Variants in GPC3 observed in about 807,000 individuals in gnomAD.
The protein encoded by GPC3 is glypican 3, also known as glypican-3.
A neutral mutation model predicts 34.4 loss-of-function variants in GPC3; 3 were observed. The ratio of observed to expected loss-of-function variants is 0.09; its 90% CI spans 0.04 to 0.23. GPC3 has a LOEUF of 0.23. Ranked by LOEUF, GPC3 falls within the 10% of genes least tolerant of loss-of-function variation. The probability of loss-of-function intolerance (pLI) is 1.00; values close to 1 mark genes in which losing one functional copy is unlikely to be tolerated. For missense variants in GPC3, 351 were observed against 445.6 expected, an observed-to-expected ratio of 0.79 and a Z score of 1.91; for synonymous variants, 177 against 174.0, an observed-to-expected ratio of 1.02 and a Z score of -0.13.
chrX:133,547,419 C>T (rs2069395758), intron 7 of GPC3, among the ~76,000 whole-genome samples: 1 of 111,235 alleles, frequency 9.0e-6, no homozygotes, highest in African/African-American at 3.3e-5. Flanking sequence ...GAGTGCACCA[C>T]TACTCTGGTA....
chrX:133,642,562 G>A lies in GPC3; in HGVS notation c.1413+19168C>T, dbSNP rs182951982. Among the ~76,000 whole-genome samples the A allele has an allele frequency of 2.3e-4, 25 of 109,600 alleles. No homozygotes were observed. In the East Asian group the frequency reaches 6.3e-3, roughly 28 times the overall value. On this transcript the variant is annotated intron_variant, in intron 6 of 7. Transcript: ENST00000370818. ...TGAGGTGGGCGGATCACCTGAGGTCGGGAGTTCAAGACCAACCTGACCAAC... is the reference window on the plus strand; with the variant it reads ...TGAGGTGGGCGGATCACCTGAGGTCAGGAGTTCAAGACCAACCTGACCAAC...
intron 2 of GPC3, among the ~76,000 whole-genome samples, chrX:133,819,657 A>G (rs1446176696): frequency 2.7e-5 from 3 of 111,475 alleles, no homozygotes; most frequent in Non-Finnish European, 5.6e-5. Context: ...GGTCTTTGAA[A>G]TCAAGCAGAC....
intron 2 of GPC3, among the ~76,000 whole-genome samples, chrX:133,776,045 C>T (rs1270416105): frequency 9.0e-6 from 1 of 111,545 alleles, no homozygotes; most frequent in African/African-American, 3.3e-5. Flanking sequence ...AATGGTCAAA[C>T]ACACCCTTTC....
At chrX:133,762,863 C>T in intron 2 of GPC3, 1 of 537,074 alleles carries the variant, frequency 1.9e-6, no homozygotes, top group Non-Finnish European at 3.4e-6. Context: ...GCAGCAGGAA[C>T]CCACTTAGGT....
chrX:133,721,371 T>C (rs1196468469), intron 3 of GPC3, among the ~76,000 whole-genome samples: 1 of 109,429 alleles, frequency 9.1e-6, no homozygotes, highest in Admixed American at 9.8e-5. Context: ...AAAATGATCA[T>C]AAGAGAATAC....
chrX:133,850,537 C>T (rs895677776), intron 2 of GPC3, among the ~76,000 whole-genome samples: 2 of 111,024 alleles, frequency 1.8e-5, no homozygotes, highest in Non-Finnish European at 3.8e-5. Flanking sequence ...TGGTCAGAAA[C>T]TTCCAACACC....
chrX:133,569,674 T>C (rs780336178), intron 7 of GPC3, among the ~76,000 whole-genome samples: 2 of 112,184 alleles, frequency 1.8e-5, no homozygotes, highest in Non-Finnish European at 3.8e-5. Flanking sequence ...AATCACTCTA[T>C]GCTGGATGGA....
At chrX:133,810,354 G>A (rs974078340) in intron 2 of GPC3, among the ~76,000 whole-genome samples, 4 of 111,818 alleles carry the variant, frequency 3.6e-5, no homozygotes, top group Non-Finnish European at 7.5e-5. Context: ...TTGTGAATTC[G>A]TCATCCTTCC....
At chrX:133,960,238 G>C (rs1377786475) in intron 1 of GPC3, among the ~76,000 whole-genome samples, 1 of 110,071 alleles carries the variant, frequency 9.1e-6, no homozygotes, top group Non-Finnish European at 1.9e-5. Context: ...AATTTGAAGG[G>C]CCTTGAATGC....
chrX:133,590,803 C>T, intron 7 of GPC3, among the ~76,000 whole-genome samples: 1 of 111,564 alleles, frequency 9.0e-6, no homozygotes. Context: ...GAACAGAGAA[C>T]CTGCAAGGTC....
intron 2 of GPC3, among the ~76,000 whole-genome samples, chrX:133,930,381 A>G (rs2076293266): frequency 8.9e-6 from 1 of 112,126 alleles, no homozygotes; most frequent in Non-Finnish European, 1.9e-5. Context: ...AAATGTTCAA[A>G]TGTTCATAAT....
chrX:133,847,668 A>G (rs1005008013), intron 2 of GPC3, among the ~76,000 whole-genome samples: 24 of 112,367 alleles, frequency 2.1e-4, no homozygotes, highest in African/African-American at 7.8e-4. Flanking sequence ...AAACATATGA[A>G]TTAACTGTTT....
intron 3 of GPC3, among the ~76,000 whole-genome samples, chrX:133,729,025 C>G (rs2071439325): frequency 9.0e-6 from 1 of 111,349 alleles, no homozygotes. Flanking sequence ...TAGTCCAGGG[C>G]CTCCCAGACT....
rs747355415 is a variant in GPC3 at position 133,700,443 on chromosome X, T to C, written c.1033-415A>G. Among the ~76,000 whole-genome samples the C allele has an allele frequency of 4.5e-5, 5 of 111,742 alleles. No homozygotes were observed. The South Asian group carries it at 1.9e-3, about 42-fold the overall frequency. ...AGATGGGGGTTGTGTAGTCAGTTAA[T>C]AGAAGACCAGCCTCCCAAGCACAGA... is the stretch of plus-strand genomic sequence containing the variant. On this transcript the variant is annotated intron_variant, in intron 3 of 7. Coordinates refer to ENST00000370818, the MANE Select transcript of GPC3 (RefSeq NM_004484.4).
At chrX:133,714,227 G>C (rs995094690) in intron 3 of GPC3, among the ~76,000 whole-genome samples, 2 of 111,482 alleles carry the variant, frequency 1.8e-5, no homozygotes, top group Non-Finnish European at 3.8e-5. Flanking sequence ...ACCAGATTGA[G>C]TGCAGAAGAA....
At chrX:133,841,880 C>T (rs961867895) in intron 2 of GPC3, among the ~76,000 whole-genome samples, 1 of 112,310 alleles carries the variant, frequency 8.9e-6, no homozygotes, top group Admixed American at 9.4e-5. Flanking sequence ...TCCCAGTCTA[C>T]ATCTTTCTCC....
chrX:133,585,646 A>T (rs920994999), intron 7 of GPC3, among the ~76,000 whole-genome samples: 4 of 111,356 alleles, frequency 3.6e-5, no homozygotes, highest in African/African-American at 9.8e-5. Context: ...TCCTACAGGG[A>T]CTGCTTCACT....
At chrX:133,803,584 C>A (rs772456903) in intron 2 of GPC3, among the ~76,000 whole-genome samples, 2 of 112,074 alleles carry the variant, frequency 1.8e-5, no homozygotes, top group African/African-American at 6.5e-5. Context: ...GGGAAAAATT[C>A]TTGATGGTTC....
chrX:133,746,075 G>T (rs1356845781), intron 3 of GPC3, among the ~76,000 whole-genome samples: 6 of 112,040 alleles, frequency 5.4e-5, no homozygotes, highest in Non-Finnish European at 9.4e-5. Context: ...GTGGGAATTG[G>T]GACTCAGGGA....
Sources: allele counts gnomAD v4.1 joint callset (sites outside exome capture counted in the v4.1 genomes callset), GRCh38; gene constraint gnomAD v4.1.1; transcripts MANE v1.5; gene names NCBI Gene and HGNC (gene_info 2026-07-23, HGNC 2026-07-21).